The following CLTC variants were observed in gnomAD, a reference collection of about 807,000 sequenced individuals.
The protein encoded by CLTC is clathrin heavy chain 1.
CLTC carries 16 observed loss-of-function variants against 195.8 expected under a neutral mutation model. The ratio of observed to expected loss-of-function variants is 0.08; its 90% CI spans 0.06 to 0.12. The LOEUF is 0.12. CLTC is among the 10% of genes least tolerant of loss of function. The pLI, the probability that CLTC is intolerant of heterozygous loss-of-function variation, is 1.00. For synonymous variants in CLTC, 667 were observed against 689.4 expected, an observed-to-expected ratio of 0.97 and a Z score of 0.51; for missense variants, 796 against 2,027.0, an observed-to-expected ratio of 0.39 and a Z score of 11.66.
At chr17:59,660,829 T>C (rs1206813781) in intron 7 of CLTC, among the ~76,000 whole-genome samples, 1 of 152,218 alleles carries the variant, frequency 6.6e-6, no homozygotes, top group African/African-American at 2.4e-5. Context: ...AGCAAGCTTT[T>C]GATTTACATA....
intron 28 of CLTC, 63 bp downstream of exon 28, chr17:59,684,048 T>A: frequency 9.4e-7 from 1 of 1,061,994 alleles, no homozygotes; most frequent in Non-Finnish European, 1.4e-6. Context: ...TCCCATTTTT[T>A]AAAAAAGCCA....
intron 13 of CLTC, among the ~76,000 whole-genome samples, chr17:59,667,469 A>C (rs1357213505): frequency 3.3e-5 from 5 of 152,194 alleles, no homozygotes; most frequent in Non-Finnish European, 1.5e-5. Flanking sequence ...GATAAGGGAT[A>C]CTCAGTCTGT....
chr17:59,666,564 C>T lies in CLTC; in HGVS notation c.1867C>T (p.Leu623=), dbSNP rs777452981. The T allele has an allele frequency of 5.6e-6, 9 of 1,614,000 alleles. No homozygotes were observed. Among genetic ancestry groups the T allele is most frequent in the Non-Finnish European group, 7.6e-6 (9 of 1,179,986 alleles). Residue 623 remains leucine, a synonymous_variant, in exon 12 of 32, where the codon CTG becomes TTG. Coordinates refer to ENST00000269122, the MANE Select transcript of CLTC (RefSeq NM_004859.4). The surrounding 1 kb of genome is among the most constrained non-coding windows in gnomAD (Gnocchi z 4.9). ...IAQLCEKAGL[L]QRALEHFTDL... ...TCAACTGTGTGAAAAGGCTGGCCTACTGCAGCGTGCATTAGAACATTTCAC... is the reference window on the plus strand; with the variant it reads ...TCAACTGTGTGAAAAGGCTGGCCTATTGCAGCGTGCATTAGAACATTTCAC...
chr17:59,678,210 G>A (rs1387007915), intron 17 of CLTC, among the ~76,000 whole-genome samples: 1 of 152,212 alleles, frequency 6.6e-6, no homozygotes, highest in Non-Finnish European at 1.5e-5. Flanking sequence ...ATTATATCCG[G>A]AAGCACGCAG....
intron 14 of CLTC, among the ~76,000 whole-genome samples, chr17:59,671,677 A>C (rs2032851044): frequency 6.6e-6 from 1 of 151,962 alleles, no homozygotes; most frequent in South Asian, 2.1e-4. Context: ...CTTATTTTCT[A>C]CCTTTCTTTT....
chr17:59,661,913 A>T (rs2032616891), intron 8 of CLTC, among the ~76,000 whole-genome samples: 1 of 151,800 alleles, frequency 6.6e-6, no homozygotes, highest in Non-Finnish European at 1.5e-5. Flanking sequence ...GACCAGCCTG[A>T]CCAACATGGA....
At position 59,619,944 on chromosome 17, in the gene CLTC, C is replaced by G. The variant is rs774093650; in HGVS notation, c.-188C>G. On this transcript the variant is annotated 5_prime_UTR_variant, in exon 1 of 32. Coordinates refer to ENST00000269122, the MANE Select transcript of CLTC (RefSeq NM_004859.4). ...GCCCGGTTCCGCCATTGCGGCTCTC[C>G]TGGCCCCTGGAGCCTCCGCCCCCGA... 6.9e-6 allele frequency: 4 copies of G among 582,336 alleles called. No individual in the cohort carries two copies. Among genetic ancestry groups the G allele is most frequent in the Admixed American group, 3.0e-5 (1 of 33,598 alleles). 36.1% of individuals were successfully genotyped at this position (582,336 alleles called of 1,614,324 possible).
chr17:59,656,666 A>ATTTTTTTTTTTTTTTTTTTTTT (rs55669818), intron 6 of CLTC, among the ~76,000 whole-genome samples: 7 of 96,222 alleles, frequency 7.3e-5, no homozygotes, highest in African/African-American at 1.4e-4. Flanking sequence ...TATTATTTTA[A>ATTTTTTTTTTTTTTTTTTTTTT]TTTTTTTTTT....
At chr17:59,672,898 T>C (rs1170896689) in intron 14 of CLTC, among the ~76,000 whole-genome samples, 1 of 152,178 alleles carries the variant, frequency 6.6e-6, no homozygotes, top group Non-Finnish European at 1.5e-5. Flanking sequence ...GAATTCCTGA[T>C]GGAAACTGTT....
chr17:59,637,330 C>T (rs1396337179), intron 1 of CLTC, among the ~76,000 whole-genome samples: 3 of 151,060 alleles, frequency 2.0e-5, no homozygotes, highest in Non-Finnish European at 3.0e-5. Context: ...CTGCAAGCTC[C>T]GCCTCCTGGG....
rs755557484 is a variant in CLTC, at chr17:59,676,960, A to G, written c.2568A>G (p.Lys856=). The change falls in exon 17 of 32, where the codon AAA becomes AAG. Residue 856 remains lysine (K), a synonymous_variant. Transcript: ENST00000269122. The part of the protein sequence containing the change: ...VAEVEKRNRL[K]LLLPWLEARI... Reference sequence around the variant, plus strand: ...TTTTTTCCTTTTTTCCTAGATTGAAACTGCTTCTGCCTTGGCTAGAGGCCA... The same window carrying G: ...TTTTTTCCTTTTTTCCTAGATTGAAGCTGCTTCTGCCTTGGCTAGAGGCCA... 1 of 1,613,682 alleles carries G rather than the reference A, an allele frequency of 6.2e-7. No individual in the cohort carries two copies. The highest frequency in any genetic ancestry group is 1.7e-5 in the Admixed American group (1 of 59,946).
intron 5 of CLTC, among the ~76,000 whole-genome samples, chr17:59,652,960 C>T (rs1334728482): frequency 6.6e-6 from 1 of 152,182 alleles, no homozygotes; most frequent in East Asian, 1.9e-4. Flanking sequence ...TACATCAGTA[C>T]TTGGTTTTTC....
chr17:59,620,038 C>T lies in CLTC; in HGVS notation c.-94C>T. 1 of 1,136,272 alleles carries T rather than the reference C, an allele frequency of 8.8e-7. No homozygotes were observed. Among genetic ancestry groups the T allele is most frequent in the South Asian group, 1.3e-5 (1 of 77,166 alleles). The allele number at this position is 1,136,272 out of a possible 1,614,324, so 70.4% of individuals were successfully genotyped here. A position where few individuals can be genotyped will look rare whatever the true frequency, so the allele number is the denominator to read the frequency against. ...GAGGATCCTGCTGAGCCCAGCCTCC[C>T]CCCTCCCCTTCTCCTCCTCTCCCTT... On this transcript the variant is annotated 5_prime_UTR_variant, in exon 1 of 32. Transcript: ENST00000269122.
intron 6 of CLTC, among the ~76,000 whole-genome samples, chr17:59,660,190 C>T (rs1314671150): frequency 6.6e-6 from 1 of 152,120 alleles, no homozygotes; most frequent in Non-Finnish European, 1.5e-5. Context: ...GGCCTAACAC[C>T]CTATGACATT....
chr17:59,652,640 T>C (rs1349190243), intron 5 of CLTC, among the ~76,000 whole-genome samples: 1 of 152,194 alleles, frequency 6.6e-6, no homozygotes, highest in African/African-American at 2.4e-5. Context: ...GCAGTAGGTC[T>C]CAACAGTAGG....
At position 59,679,412 on chromosome 17, in the gene CLTC, T is replaced by G. The variant is rs766689151; in HGVS notation, c.2812T>G (p.Ser938Ala). 1.2e-6 allele frequency: 2 copies of G among 1,604,154 alleles called. No individual in the cohort carries two copies. Among genetic ancestry groups the G allele is most frequent in the Non-Finnish European group, 1.7e-6 (2 of 1,174,758 alleles). The change falls in exon 18 of 32, where the codon TCC becomes GCC. Residue 938 changes from serine (S) to alanine (A), a missense_variant. This residue lies in a region of CLTC where 160 missense variants were observed against 448.2 expected (regional missense o/e 0.36). Transcript: ENST00000269122. ...TCTTCTTTAGGTTTGCAATGAGAATTCCCTCTTCAAAAGTCTTTCTCGCTA... is the reference window on the plus strand; with the variant it reads ...TCTTCTTTAGGTTTGCAATGAGAATGCCCTCTTCAAAAGTCTTTCTCGCTA... ...LELINVCNEN[S>A]LFKSLSRYLV...
At chr17:59,652,572 T>G (rs1367141647) in intron 5 of CLTC, among the ~76,000 whole-genome samples, 1 of 152,222 alleles carries the variant, frequency 6.6e-6, no homozygotes, top group East Asian at 1.9e-4. Context: ...AGCTCTTGGG[T>G]GACTATGTGC....
chr17:59,663,235 G>A (rs1171691091), intron 8 of CLTC, among the ~76,000 whole-genome samples: 1 of 152,180 alleles, frequency 6.6e-6, no homozygotes, highest in African/African-American at 2.4e-5. Context: ...AGCTGAATGA[G>A]TAAGGCAGAC....
Position 59,674,861 on chromosome 17 carries a change from C to G in CLTC, c.2561+18C>G, listed in dbSNP as rs1183695913. ...AGAAACAGGTGTAGTACCATTTTAA[C>G]AGGGATAAGTTACTCTTTCTTAACA... On this transcript the variant is annotated intron_variant, in intron 16 of 31. Coordinates refer to ENST00000269122, the MANE Select transcript of CLTC (RefSeq NM_004859.4). 6.2e-7 allele frequency: 1 copy of G among 1,607,876 alleles called. No homozygotes were observed.
Sources: gnomAD v4.1 joint callset for allele counts (sites outside exome capture counted in the v4.1 genomes callset) on GRCh38, gnomAD v4.1.1 for gene constraint, gnomAD v4.1.1 regional missense constraint, Gnocchi (gnomAD v3.1) non-coding constraint, MANE v1.5 for transcripts, NCBI Gene and HGNC (gene_info 2026-07-23, HGNC 2026-07-21) for gene names.